The following PRSS35 variants were observed in gnomAD, a reference collection of about 807,000 sequenced individuals.
PRSS35 encodes inactive serine protease 35.
A neutral mutation model predicts 8.1 loss-of-function variants in PRSS35; 7 were observed. The ratio of observed to expected loss-of-function variants is 0.86; its 90% CI spans 0.49 to 1.62. The LOEUF is 1.62. Ranked by LOEUF, PRSS35 falls within the 40% of genes most tolerant of loss-of-function variation. The pLI is 0.00. For missense variants in PRSS35, 566 were observed against 518.0 expected (o/e 1.09, Z -0.90); for synonymous variants, 199 against 188.7 (o/e 1.05, Z -0.45).
chr6:83,524,283 A>G lies in PRSS35; in HGVS notation c.842A>G (p.Glu281Gly). Residue 281 changes from glutamate to glycine, a missense_variant, in exon 2 of 2, where the codon GAG becomes GGG. Transcript: ENST00000369700. ...TTGGACTATGACTATGCTCTTCTGG[A>G]GCTGAAGCGTGCTCACAAAAAGAAA... ...ATLDYDYALLELKRAHKKKYM... is the reference protein window; with the variant it reads ...ATLDYDYALLGLKRAHKKKYM... 2 of 1,614,144 alleles carry G rather than the reference A, an allele frequency of 1.2e-6. No homozygotes were observed. The highest frequency in any genetic ancestry group is 1.7e-6 in the Non-Finnish European group (2 of 1,180,032).
chr6:83,523,722 C>T lies in PRSS35; in HGVS notation c.281C>T (p.Thr94Ile), dbSNP rs1160956206. The change falls in exon 2 of 2, where the codon ACC (threonine) becomes ATC (isoleucine). Residue 94 changes from threonine to isoleucine, a missense_variant. Physicochemically the swap from Thr to Ile is moderately conservative, Grantham distance 89. Coordinates refer to ENST00000369700, the MANE Select transcript of PRSS35 (RefSeq NM_153362.3). ...YETVFENGTR[T>I]LTRVKVQDLV... is the part of the protein sequence containing the mutation. ...ACTGTCTTTGAGAATGGCACCCGAA[C>T]CTTAACCAGGGTGAAAGTTCAAGAT... 6.2e-7 allele frequency: 1 copy of T among 1,614,176 alleles called. No individual in the cohort carries two copies. Among genetic ancestry groups the T allele is most frequent in the South Asian group, 1.1e-5 (1 of 91,084 alleles).
intron 1 of PRSS35, among the ~76,000 whole-genome samples, chr6:83,518,211 C>T (rs1403114120): frequency 6.6e-6 from 1 of 152,080 alleles, no homozygotes; most frequent in Non-Finnish European, 1.5e-5. Flanking sequence ...CTATAAACTT[C>T]TAGGGTAAAA....
At chr6:83,517,755 G>A (rs1330089715) in intron 1 of PRSS35, among the ~76,000 whole-genome samples, 2 of 152,190 alleles carry the variant, frequency 1.3e-5, no homozygotes, top group Non-Finnish European at 2.9e-5. Context: ...AAGCACAGGT[G>A]GTTGGGATTG....
intron 1 of PRSS35, among the ~76,000 whole-genome samples, chr6:83,522,655 G>A (rs997317121): frequency 6.6e-6 from 1 of 152,022 alleles, no homozygotes; most frequent in Non-Finnish European, 1.5e-5. Flanking sequence ...TTGCTTAGAG[G>A]GTGGTTTCAA....
intron 1 of PRSS35, among the ~76,000 whole-genome samples, chr6:83,521,943 T>C (rs1771829166): frequency 1.3e-5 from 2 of 152,216 alleles, no homozygotes; most frequent in Non-Finnish European, 2.9e-5. Flanking sequence ...AAAATTATTG[T>C]ATTTGTATAT....
At chr6:83,515,827 C>CTT (rs11464464) in intron 1 of PRSS35, among the ~76,000 whole-genome samples, 6 of 151,016 alleles carry the variant, frequency 4.0e-5, no homozygotes, top group South Asian at 4.2e-4. Flanking sequence ...CTTCTCTTTT[C>CTT]TTTTTTTTGA....
rs1299718526 is a variant in PRSS35, at chr6:83,520,179, A to G, written c.-20-3243A>G. Among the ~76,000 whole-genome samples the G allele has an allele frequency of 3.3e-5, 5 of 152,242 alleles. No individual in the cohort carries two copies. In the East Asian group the frequency reaches 9.6e-4, roughly 29 times the overall value. ...CATAGTAAAAGCATAAAGTCAGAAT[A>G]AATTAATTTTGTACACAGAGATGAA... On this transcript the variant is annotated intron_variant, in intron 1 of 1. Transcript: ENST00000369700.
chr6:83,521,899 AT>A (rs1266529719), intron 1 of PRSS35, among the ~76,000 whole-genome samples: 1 of 152,138 alleles, frequency 6.6e-6, no homozygotes, highest in Non-Finnish European at 1.5e-5. Flanking sequence ...TGTAGCATAC[AT>A]TTTTCATCAA....
chr6:83,524,123 A>G lies in PRSS35; in HGVS notation c.682A>G (p.Lys228Glu), dbSNP rs368256706. ...CAGAGAGCATCTGCGGGAGAGAGCG[A>G]AGGGTGGGAGAAGAAGAAAAAAATC... ...GTREHLRERA[K>E]GGRRRKKSGR... Residue 228 changes from lysine (K) to glutamate (E), a missense_variant, in exon 2 of 2, where the codon AAG becomes GAG. By Grantham distance (56) the Lys-to-Glu change is moderately conservative. Transcript: ENST00000369700. The G allele has an allele frequency of 2.5e-6, 4 of 1,613,942 alleles. No individual in the cohort carries two copies. The African/African-American group carries it at 5.3e-5, about 22-fold the overall frequency.
In PRSS35 at chr6:83,524,329, C is replaced by T. The variant is rs375552458; in HGVS notation, c.888C>T (p.Ser296=). 68 of 1,614,104 alleles carry T rather than the reference C, an allele frequency of 4.2e-5. No individual in the cohort carries two copies. In the African/African-American group the frequency reaches 8.1e-4, roughly 19 times the overall value. Residue 296 remains serine (S), a synonymous_variant, in exon 2 of 2, where the codon AGC becomes AGT. Transcript: ENST00000369700. The part of the protein sequence containing the change: ...HKKKYMELGI[S]PTIKKMPGGM... Reference sequence around the variant, plus strand: ...AGAAATACATGGAACTTGGAATCAGCCCAACGATCAAGAAAATGCCTGGTG... The same window carrying T: ...AGAAATACATGGAACTTGGAATCAGTCCAACGATCAAGAAAATGCCTGGTG...
chr6:83,515,385 A>G (rs1771692711), intron 1 of PRSS35, among the ~76,000 whole-genome samples: 1 of 151,992 alleles, frequency 6.6e-6, no homozygotes, highest in South Asian at 2.1e-4. Context: ...ATGAAGTTTT[A>G]TCGTGATCTT....
At chr6:83,515,131 C>A (rs1446607096) in intron 1 of PRSS35, among the ~76,000 whole-genome samples, 4 of 152,124 alleles carry the variant, frequency 2.6e-5, no homozygotes, top group African/African-American at 9.7e-5. Context: ...TCCTGAGAAG[C>A]ATTGATGAGT....
At position 83,524,566 on chromosome 6, in the gene PRSS35, G is replaced by T. The variant is rs761585932; in HGVS notation, c.1125G>T (p.Trp375Cys). Residue 375 changes from tryptophan to cysteine, a missense_variant, in exon 2 of 2, where the codon TGG (tryptophan) becomes TGT (cysteine). Physicochemically the swap from Trp to Cys is radical, Grantham distance 215. Coordinates refer to ENST00000369700, the MANE Select transcript of PRSS35 (RefSeq NM_153362.3). ...KIIAVYSGHQ[W>C]VDVHGVQKDY... ...TTGCGGTCTACTCAGGGCACCAGTG[G>T]GTGGATGTCCACGGGGTTCAGAAGG... 1.9e-6 allele frequency: 3 copies of T among 1,614,028 alleles called. No individual in the cohort carries two copies. The highest frequency in any genetic ancestry group is 1.3e-5 in the African/African-American group (1 of 74,892).
intron 1 of PRSS35, among the ~76,000 whole-genome samples, chr6:83,518,761 G>A (rs1257864187): frequency 1.3e-5 from 2 of 152,128 alleles, no homozygotes; most frequent in Non-Finnish European, 2.9e-5. Context: ...ACCAATTAAG[G>A]TAGGATAATA....
intron 1 of PRSS35, among the ~76,000 whole-genome samples, chr6:83,520,685 T>C (rs1419782936): frequency 6.6e-6 from 1 of 152,232 alleles, no homozygotes; most frequent in African/African-American, 2.4e-5. Context: ...ATTTCCAAAG[T>C]ATTGTCCAAG....
intron 1 of PRSS35, among the ~76,000 whole-genome samples, chr6:83,513,465 G>A (rs1771661247): frequency 6.6e-6 from 1 of 152,162 alleles, no homozygotes. Flanking sequence ...TAACCCTTCT[G>A]ACTTCTGAAA....
In PRSS35 at chr6:83,523,689, C is replaced by T; in HGVS notation, c.248C>T (p.Ser83Phe). The change falls in exon 2 of 2, where the codon TCC (serine) becomes TTC (phenylalanine). Residue 83 changes from serine (S) to phenylalanine (F), a missense_variant. Transcript: ENST00000369700. ...CTTTCTGAATTGGAGGATTATCTTT[C>T]CTATGAGACTGTCTTTGAGAATGGC... ...PSLSELEDYL[S>F]YETVFENGTR... 2 of 1,614,164 alleles carry T rather than the reference C, an allele frequency of 1.2e-6. No individual in the cohort carries two copies. Among genetic ancestry groups the T allele is most frequent in the Non-Finnish European group, 1.7e-6 (2 of 1,180,034 alleles).
rs374964533 is a variant in PRSS35, at chr6:83,522,225, T to C, written c.-20-1197T>C. ...AAGTACAAATCATTTGCTTAAGTCTTGATATTTTAACTATTAGTTAAAAAT... is the reference window on the plus strand; with the variant it reads ...AAGTACAAATCATTTGCTTAAGTCTCGATATTTTAACTATTAGTTAAAAAT... On this transcript the variant is annotated intron_variant, in intron 1 of 1. Coordinates refer to ENST00000369700, the MANE Select transcript of PRSS35 (RefSeq NM_153362.3). Among the ~76,000 whole-genome samples, 3 of 152,320 alleles carry C rather than the reference T, an allele frequency of 2.0e-5. No homozygotes were observed. In the East Asian group the frequency reaches 5.8e-4, roughly 29 times the overall value.
intron 1 of PRSS35, among the ~76,000 whole-genome samples, chr6:83,514,309 A>T (rs1390769373): frequency 6.6e-6 from 1 of 152,166 alleles, no homozygotes; most frequent in East Asian, 1.9e-4. Flanking sequence ...CCAAAATTTG[A>T]TTTATCCATA....
Sources: gnomAD v4.1 joint callset for allele counts (sites outside exome capture counted in the v4.1 genomes callset) on GRCh38, gnomAD v4.1.1 for gene constraint, MANE v1.5 for transcripts, NCBI Gene and HGNC (gene_info 2026-07-23, HGNC 2026-07-21) for gene names.